The following PAWR variants were observed in gnomAD, a reference collection of about 807,000 sequenced individuals.
The protein encoded by PAWR is pro-apoptotic WT1 regulator.
In PAWR, 23 loss-of-function variants were observed where a neutral mutation model predicts 32.0. The ratio of observed to expected loss-of-function variants is 0.72; its 90% CI spans 0.52 to 1.02. The LOEUF is 1.02. PAWR is among the 50% of genes least tolerant of loss of function. PAWR has a pLI of 0.00. For synonymous variants in PAWR, 226 were observed against 187.1 expected (o/e 1.21, Z -1.70); for missense variants, 457 against 437.7 (o/e 1.04, Z -0.39).
chr12:79,621,447 G>T (rs1443024243), intron 2 of PAWR, among the ~76,000 whole-genome samples: 1 of 152,110 alleles, frequency 6.6e-6, no homozygotes, highest in East Asian at 1.9e-4. Context: ...CCAAACATCA[G>T]TGACAGGGTT....
intron 2 of PAWR, among the ~76,000 whole-genome samples, chr12:79,656,226 A>G (rs1877088155): frequency 6.6e-6 from 1 of 152,248 alleles, no homozygotes; most frequent in Admixed American, 6.5e-5. Context: ...AGAAAACTGT[A>G]TGAATAGATT....
chr12:79,632,361 A>ATATATATATATATT (rs1566011212), intron 2 of PAWR, among the ~76,000 whole-genome samples: 19 of 20,602 alleles, frequency 9.2e-4, no homozygotes, highest in South Asian at 1.3e-3. Flanking sequence ...ATATATATAT[A>ATATATATATATATT]TTTTTTTTTT....
intron 2 of PAWR, among the ~76,000 whole-genome samples, chr12:79,643,470 C>T (rs560215003): frequency 1.3e-4 from 20 of 152,226 alleles, no homozygotes; most frequent in African/African-American, 3.4e-4. Context: ...CATTTAAATG[C>T]TATTTGAAAG....
Position 79,689,931 on chromosome 12 carries a change from G to T in PAWR, c.314C>A (p.Pro105Gln). The change falls in exon 2 of 7, where the codon CCG (proline) becomes CAG (glutamine). Residue 105 changes from proline (P) to glutamine (Q), a missense_variant. Transcript: ENST00000328827. The stretch of plus-strand genomic sequence containing the variant: ...TGGGGGCTCGTCCTCCGACCGCCGC[G>T]GGCCGGGGGCCGCCCGCGTCAGCAT... ...SAMLTRAAPG[P>Q]RRSEDEPPAA... 1 of 1,408,946 alleles carries T rather than the reference G, an allele frequency of 7.1e-7. No homozygotes were observed. The highest frequency in any genetic ancestry group is 9.2e-7 in the Non-Finnish European group (1 of 1,087,846). 87.3% of individuals were successfully genotyped at this position (1,408,946 alleles called of 1,614,324 possible).
chr12:79,635,478 C>T (rs1005681932), intron 2 of PAWR: 1 of 152,024 alleles, frequency 6.6e-6, no homozygotes, highest in Non-Finnish European at 1.5e-5. Flanking sequence ...CCTTGTTTAA[C>T]TGGAGAATGT....
At chr12:79,658,422 G>C (rs975664620) in intron 2 of PAWR, among the ~76,000 whole-genome samples, 1 of 152,036 alleles carries the variant, frequency 6.6e-6, no homozygotes, top group African/African-American at 2.4e-5. Context: ...TTTTTAGTGA[G>C]TAATAGGGGG....
In PAWR at chr12:79,585,883, T is replaced by C. The variant is rs1873372302; in HGVS notation, c.*6724A>G. 6.6e-6 allele frequency: 1 copy of C among 152,150 alleles called. No individual in the cohort carries two copies. Among genetic ancestry groups the C allele is most frequent in the African/African-American group, 2.4e-5 (1 of 41,422 alleles). The allele number at this position is 152,150 out of a possible 1,614,324, so 9.4% of individuals were successfully genotyped here. On this transcript the variant is annotated 3_prime_UTR_variant, in exon 7 of 7. Coordinates refer to ENST00000328827, the MANE Select transcript of PAWR (RefSeq NM_002583.4). Reference sequence around the variant, plus strand: ...ATGCCATCTTGCCCAGCTCATTTATTTTTTTGTATAGACGGCATAACCCTG... The same window carrying C: ...ATGCCATCTTGCCCAGCTCATTTATCTTTTTGTATAGACGGCATAACCCTG...
At chr12:79,665,314 A>C (rs1419449600) in intron 2 of PAWR, among the ~76,000 whole-genome samples, 2 of 152,230 alleles carry the variant, frequency 1.3e-5, no homozygotes, top group East Asian at 1.9e-4. Flanking sequence ...CAAGAGATTA[A>C]GTCTAACTAG....
intron 2 of PAWR, among the ~76,000 whole-genome samples, chr12:79,660,025 T>C (rs1309960487): frequency 1.3e-5 from 2 of 152,182 alleles, no homozygotes; most frequent in Non-Finnish European, 2.9e-5. Flanking sequence ...AACAATACAC[T>C]CTCTCACTAT....
rs1876925284 is a variant in PAWR at position 79,653,043 on chromosome 12, T to A, written c.517-31836A>T. 2.6e-5 allele frequency among the ~76,000 whole-genome samples: 4 copies of A among 151,390 alleles called. No individual in the cohort carries two copies. In the South Asian group the frequency reaches 8.3e-4, roughly 31 times the overall value. On this transcript the variant is annotated intron_variant, in intron 2 of 6. Transcript: ENST00000328827. ...TCTGTTTTTGTGTTTGTTTTTTTAT[T>A]TGTTTGTTTGTTTTTTTGAGACAGA...
Position 79,689,874 on chromosome 12 carries a change from T to A in PAWR, c.371A>T (p.Gln124Leu), listed in dbSNP as rs201432791. The change falls in exon 2 of 7, where the codon CAG becomes CTG. Residue 124 changes from glutamine (Q) to leucine (L), a missense_variant. Transcript: ENST00000328827. Reference sequence around the variant, plus strand: ...GCCGTCCGGCTCCTCCTCGTCACGCTGGGGCGGCGGTGCAGCCGAGGCAGA... The same window carrying A: ...GCCGTCCGGCTCCTCCTCGTCACGCAGGGGCGGCGGTGCAGCCGAGGCAGA... The part of the protein sequence containing the change: ...AASASAAPPP[Q>L]RDEEEPDGVP... 76 of 1,561,186 alleles carry A rather than the reference T, an allele frequency of 4.9e-5. No individual in the cohort carries two copies. Among genetic ancestry groups the A allele is most frequent in the Non-Finnish European group, 6.1e-5 (71 of 1,154,480 alleles).
intron 2 of PAWR, among the ~76,000 whole-genome samples, chr12:79,675,755 G>C (rs1255739994): frequency 6.6e-6 from 1 of 152,120 alleles, no homozygotes; most frequent in Non-Finnish European, 1.5e-5. Flanking sequence ...TGGGAGAAGG[G>C]TAAGGATATT....
intron 2 of PAWR, among the ~76,000 whole-genome samples, chr12:79,685,997 A>T (rs912506782): frequency 3.3e-5 from 5 of 152,198 alleles, no homozygotes; most frequent in Admixed American, 2.0e-4. Context: ...AAATAGTGAT[A>T]AACAGTGTAA....
intron 2 of PAWR, among the ~76,000 whole-genome samples, chr12:79,644,679 T>C (rs1876488007): frequency 6.6e-6 from 1 of 152,158 alleles, no homozygotes; most frequent in South Asian, 2.1e-4. Flanking sequence ...AAAAACATTT[T>C]CACATAAAGT....
Position 79,595,384 on chromosome 12 carries a change from G to A in PAWR, c.832-951C>T, listed in dbSNP as rs945922676. 2.0e-5 allele frequency among the ~76,000 whole-genome samples: 3 copies of A among 152,314 alleles called. No homozygotes were observed. In the South Asian group the frequency reaches 6.2e-4, roughly 32 times the overall value. ...CTCAAAAGGCCTTGCCCAGAACTTG[G>A]CTTCTTTCTTACTAAACCTCCTACA... On this transcript the variant is annotated intron_variant, in intron 5 of 6. Coordinates refer to ENST00000328827, the MANE Select transcript of PAWR (RefSeq NM_002583.4).
chr12:79,608,498 G>A (rs1013714112), intron 4 of PAWR, among the ~76,000 whole-genome samples: 2 of 152,168 alleles, frequency 1.3e-5, no homozygotes, highest in Non-Finnish European at 2.9e-5. Context: ...CTCACTGACT[G>A]CTCACCTCCT....
At chr12:79,674,663 A>T (rs911567889) in intron 2 of PAWR, among the ~76,000 whole-genome samples, 4 of 152,202 alleles carry the variant, frequency 2.6e-5, no homozygotes, top group Non-Finnish European at 4.4e-5. Flanking sequence ...TGCATCTGAC[A>T]AAAGTCTAAT....
Position 79,588,311 on chromosome 12 carries a change from T to C in PAWR, c.*4296A>G, listed in dbSNP as rs1294647010. 6.6e-6 allele frequency: 1 copy of C among 151,986 alleles called. No individual in the cohort carries two copies. The highest frequency in any genetic ancestry group is 1.5e-5 in the Non-Finnish European group (1 of 67,836). 9.4% of individuals were successfully genotyped at this position (151,986 alleles called of 1,614,324 possible). On this transcript the variant is annotated 3_prime_UTR_variant, in exon 7 of 7. Transcript: ENST00000328827. ...AATAATATATACAGAAATACTAACT[T>C]GAAGTCACATTTAAATACCATCAAC...
chr12:79,653,895 T>G (rs1446681610), intron 2 of PAWR, among the ~76,000 whole-genome samples: 3 of 152,260 alleles, frequency 2.0e-5, no homozygotes, highest in Admixed American at 6.5e-5. Context: ...GGAATTCATT[T>G]AATCCTGCAA....
Sources: allele counts gnomAD v4.1 joint callset (sites outside exome capture counted in the v4.1 genomes callset), GRCh38; gene constraint gnomAD v4.1.1; transcripts MANE v1.5; gene names NCBI Gene and HGNC (gene_info 2026-07-23, HGNC 2026-07-21).